The following ZNF532 variants were observed in gnomAD, a reference collection of about 807,000 sequenced individuals.
ZNF532 encodes zinc finger protein 532.
Under a neutral mutation model 89.3 loss-of-function variants are expected in ZNF532, and 22 were observed. The ratio of observed to expected loss-of-function variants is 0.25; its 90% CI spans 0.18 to 0.35. ZNF532 has a LOEUF of 0.35. Ranked by LOEUF, ZNF532 falls within the 10% of genes least tolerant of loss-of-function variation. The pLI, the probability that ZNF532 is intolerant of heterozygous loss-of-function variation, is 1.00. For synonymous variants in ZNF532, 606 were observed against 649.6 expected (o/e 0.93, Z 1.02); for missense variants, 1,132 against 1,643.4 (o/e 0.69, Z 5.38).
chr18:58,941,993 T>TCCTTCCC (rs1266592959), intron 5 of ZNF532, among the ~76,000 whole-genome samples: 28 of 116,132 alleles, frequency 2.4e-4, no homozygotes, highest in Non-Finnish European at 3.7e-4. Context: ...CCTCCTTCCC[T>TCCTTCCC]TCCTTCCTTC....
chr18:58,872,273 A>T (rs2057046445), intron 2 of ZNF532, among the ~76,000 whole-genome samples: 2 of 152,178 alleles, frequency 1.3e-5, no homozygotes, highest in Admixed American at 6.5e-5. Flanking sequence ...ATCTTGAGTG[A>T]TCCGTAGAGA....
chr18:58,909,640 C>G lies in ZNF532; in HGVS notation c.-17-8631C>G, dbSNP rs547048123. 3.5e-4 allele frequency among the ~76,000 whole-genome samples: 53 copies of G among 152,306 alleles called. 1 individual carries two copies. Among genetic ancestry groups the G allele is most frequent in the African/African-American group, 1.3e-3 (53 of 41,578 alleles). ...GAAAGGATGACCAGAAAATGAAATT[C>G]TGCAGAGGTCACAGGCAACATGAAA... On this transcript the variant is annotated intron_variant, in intron 2 of 9. Transcript: ENST00000591808.
intron 2 of ZNF532, among the ~76,000 whole-genome samples, chr18:58,882,929 G>A (rs1239255109): frequency 1.3e-5 from 2 of 150,018 alleles, no homozygotes; most frequent in African/African-American, 4.9e-5. Context: ...AAGAAATCAG[G>A]CTGTGTGTGT....
intron 2 of ZNF532, among the ~76,000 whole-genome samples, chr18:58,896,114 A>G (rs571604253): frequency 3.9e-5 from 6 of 152,122 alleles, no homozygotes; most frequent in Admixed American, 3.9e-4. Context: ...CAGCCTCCCA[A>G]AGTGTTGAAA....
rs748597234 is a variant in ZNF532 at position 58,918,144 on chromosome 18, C to A, written c.-17-127C>A. The A allele has an allele frequency of 2.2e-5, 18 of 813,066 alleles. No individual in the cohort carries two copies. In the African/African-American group the frequency reaches 2.9e-4, roughly 13 times the overall value. The allele number at this position is 813,066 out of a possible 1,614,324, so 50.4% of individuals were successfully genotyped here. A position where few individuals can be genotyped will look rare whatever the true frequency, so the allele number is the denominator to read the frequency against. On this transcript the variant is annotated intron_variant, in intron 2 of 9. Transcript: ENST00000591808. ...ACTTGGACTCAGAGTTTCGTAGTTACCGTAAATGCAGTTACCTCCTTGCTC... is the reference window on the plus strand; with the variant it reads ...ACTTGGACTCAGAGTTTCGTAGTTAACGTAAATGCAGTTACCTCCTTGCTC...
intron 2 of ZNF532, among the ~76,000 whole-genome samples, chr18:58,902,913 GA>G (rs1334346361): frequency 6.6e-6 from 1 of 152,126 alleles, no homozygotes; most frequent in Admixed American, 6.5e-5. Context: ...AGCACTCTGC[GA>G]AGTACCCAAG....
At chr18:58,938,826 C>T (rs2062696811) in intron 4 of ZNF532, among the ~76,000 whole-genome samples, 1 of 152,200 alleles carries the variant, frequency 6.6e-6, no homozygotes, top group Non-Finnish European at 1.5e-5. Flanking sequence ...TGCCAGAATC[C>T]AGCATATGTA....
chr18:58,864,013 G>C (rs1200062863), upstream of ZNF532: 1 of 152,212 alleles, frequency 6.6e-6, no homozygotes, highest in Non-Finnish European at 1.5e-5. Context: ...GGAACCGCCC[G>C]GGCTAGGCCC....
At chr18:58,913,612 A>C (rs529183672) in intron 2 of ZNF532, among the ~76,000 whole-genome samples, 7 of 151,822 alleles carry the variant, frequency 4.6e-5, no homozygotes, top group African/African-American at 1.7e-4. Flanking sequence ...AAAAATATAT[A>C]TATATAAAAG....
At chr18:58,893,880 CCTGA>C (rs1229657887) in intron 2 of ZNF532, among the ~76,000 whole-genome samples, 6 of 152,114 alleles carry the variant, frequency 3.9e-5, no homozygotes, top group Non-Finnish European at 7.3e-5. Flanking sequence ...CTCGTTTTTA[CCTGA>C]CTGTGGATCA....
At chr18:58,901,459 G>A (rs182082545) in intron 2 of ZNF532, among the ~76,000 whole-genome samples, 8 of 152,306 alleles carry the variant, frequency 5.3e-5, no homozygotes, top group African/African-American at 1.2e-4. Flanking sequence ...ACGCCCCTCC[G>A]ATATCTTCTT....
intron 9 of ZNF532, 58 bp from the exon 10 acceptor site, chr18:58,983,914 T>TA: frequency 6.5e-7 from 1 of 1,546,680 alleles, no homozygotes; most frequent in Non-Finnish European, 8.7e-7. Flanking sequence ...ACCGATCATT[T>TA]ATCAACCACC....
chr18:58,925,729 A>G (rs1399044022), intron 3 of ZNF532, among the ~76,000 whole-genome samples: 1 of 152,172 alleles, frequency 6.6e-6, no homozygotes, highest in African/African-American at 2.4e-5. Flanking sequence ...TCAACGTTTT[A>G]TAATTCTGTG....
chr18:58,912,528 A>G (rs907412463), intron 2 of ZNF532, among the ~76,000 whole-genome samples: 8 of 152,196 alleles, frequency 5.3e-5, no homozygotes, highest in African/African-American at 1.9e-4. Context: ...CTGACAGGTC[A>G]GAGGGTCCAG....
intron 2 of ZNF532, among the ~76,000 whole-genome samples, chr18:58,885,954 A>G (rs2058275147): frequency 6.6e-6 from 1 of 151,502 alleles, no homozygotes; most frequent in Non-Finnish European, 1.5e-5. Context: ...CATCCTTCTG[A>G]GCCTTTCTAT....
chr18:58,872,400 G>T (rs1028177274), intron 2 of ZNF532, among the ~76,000 whole-genome samples: 1 of 152,130 alleles, frequency 6.6e-6, no homozygotes, highest in African/African-American at 2.4e-5. Context: ...CTAGTAATGG[G>T]TATTGATTTT....
intron 2 of ZNF532, among the ~76,000 whole-genome samples, chr18:58,878,862 G>A (rs1177196889): frequency 6.6e-6 from 1 of 152,232 alleles, no homozygotes; most frequent in Admixed American, 6.5e-5. Flanking sequence ...GCATTCTTTT[G>A]AGGACCACAT....
At chr18:58,898,493 T>G (rs2059388524) in intron 2 of ZNF532, among the ~76,000 whole-genome samples, 1 of 152,208 alleles carries the variant, frequency 6.6e-6, no homozygotes, top group African/African-American at 2.4e-5. Context: ...CTGGCCCCTG[T>G]GTTCACCCAG....
intron 7 of ZNF532, among the ~76,000 whole-genome samples, chr18:58,970,709 T>C (rs898886991): frequency 6.6e-6 from 1 of 152,158 alleles, no homozygotes; most frequent in Non-Finnish European, 1.5e-5. Flanking sequence ...GGCACGAGGG[T>C]ATTGACCCAA....
Sources: gnomAD v4.1 joint callset for allele counts (sites outside exome capture counted in the v4.1 genomes callset) on GRCh38, gnomAD v4.1.1 for gene constraint, MANE v1.5 for transcripts, NCBI Gene and HGNC (gene_info 2026-07-23, HGNC 2026-07-21) for gene names.